The following ITGA8 variants were observed in gnomAD, a reference collection of about 807,000 sequenced individuals.
ITGA8 encodes the protein integrin alpha-8.
In ITGA8, 91 loss-of-function variants were observed where a neutral mutation model predicts 142.3. That is an observed-to-expected ratio of 0.64 (90% CI 0.54 to 0.76). The LOEUF (loss-of-function observed/expected upper bound fraction) is 0.76, where lower values mean the gene tolerates loss of function less well. Ranked by LOEUF, ITGA8 falls within the 30% of genes least tolerant of loss-of-function variation. ITGA8 has a pLI of 0.00. For missense variants in ITGA8, 1,406 were observed against 1,327.7 expected (o/e 1.06, Z -0.92); for synonymous variants, 505 against 485.2 (o/e 1.04, Z -0.54).
At chr10:15,666,091 C>G (rs1834386574) in intron 8 of ITGA8, among the ~76,000 whole-genome samples, 3 of 152,210 alleles carry the variant, frequency 2.0e-5, no homozygotes, top group South Asian at 4.1e-4. Context: ...GGCATTGAAT[C>G]TATAAATTAC....
At position 15,588,124 on chromosome 10, in the gene ITGA8, T is replaced by C. The variant is rs1832863300; in HGVS notation, c.2292-1460A>G. Among the ~76,000 whole-genome samples, 3 of 152,120 alleles carry C rather than the reference T, an allele frequency of 2.0e-5. No homozygotes were observed. The South Asian group carries it at 6.2e-4, about 32-fold the overall frequency. On this transcript the variant is annotated intron_variant, in intron 22 of 29. Coordinates refer to ENST00000378076, the MANE Select transcript of ITGA8 (RefSeq NM_003638.3). Reference sequence around the variant, plus strand: ...CGATGGACAAGCTCTAGCACCAAGATGATGGTAATGCGGTAGGTTGTGACT... The same window carrying C: ...CGATGGACAAGCTCTAGCACCAAGACGATGGTAATGCGGTAGGTTGTGACT...
intron 13 of ITGA8, among the ~76,000 whole-genome samples, chr10:15,640,602 T>G (rs956761499): frequency 6.6e-5 from 10 of 152,316 alleles, no homozygotes; most frequent in African/African-American, 2.4e-4. Context: ...AAGAGGGCTT[T>G]TGTTACTTCC....
chr10:15,571,621 C>A (rs992941368), intron 25 of ITGA8, among the ~76,000 whole-genome samples: 3 of 152,196 alleles, frequency 2.0e-5, no homozygotes, highest in African/African-American at 7.2e-5. Context: ...TGCAGAGAGG[C>A]AGAATCTCAG....
intron 22 of ITGA8, among the ~76,000 whole-genome samples, chr10:15,589,037 C>T (rs958318151): frequency 6.6e-6 from 1 of 152,156 alleles, no homozygotes; most frequent in Non-Finnish European, 1.5e-5. Context: ...AGGAAAGCTC[C>T]CTCACTAATA....
intron 13 of ITGA8, among the ~76,000 whole-genome samples, chr10:15,623,988 A>T: frequency 6.6e-6 from 1 of 152,140 alleles, no homozygotes; most frequent in East Asian, 1.9e-4. Flanking sequence ...TTTGAGATTC[A>T]TCCACAATGT....
chr10:15,621,169 C>CTT lies in ITGA8; in HGVS notation c.1400-4612_1400-4611dup, dbSNP rs11417286. ...CTCTATACATAGACACTTAAGCTGG[C>CTT]TTTTTTTTTTTTTCCTGGAGGAAAT... On this transcript the variant is annotated intron_variant, in intron 13 of 29. Coordinates refer to ENST00000378076, the MANE Select transcript of ITGA8 (RefSeq NM_003638.3). 4.3e-3 allele frequency among the ~76,000 whole-genome samples: 612 copies of CTT among 142,760 alleles called. 5 individuals are homozygous for CTT. Among genetic ancestry groups the CTT allele is most frequent in the African/African-American group, 0.014 (544 of 39,270 alleles). The allele number at this position is 142,760 out of a possible 152,430, so 93.7% of individuals were successfully genotyped here. A position where few individuals can be genotyped will look rare whatever the true frequency, so the allele number is the denominator to read the frequency against.
chr10:15,714,848 G>C (rs1263249811), intron 2 of ITGA8, among the ~76,000 whole-genome samples: 1 of 152,078 alleles, frequency 6.6e-6, no homozygotes, highest in Non-Finnish European at 1.5e-5. Context: ...GGTTACCAGA[G>C]CAGAATACCC....
intron 13 of ITGA8, among the ~76,000 whole-genome samples, chr10:15,625,002 G>T (rs1271683095): frequency 6.6e-6 from 1 of 151,840 alleles, no homozygotes; most frequent in East Asian, 1.9e-4. Context: ...AAAAATAGAA[G>T]TTGCCTGTCT....
intron 2 of ITGA8, among the ~76,000 whole-genome samples, chr10:15,702,584 C>G (rs557820286): frequency 2.2e-4 from 34 of 152,258 alleles, no homozygotes; most frequent in African/African-American, 7.9e-4. Context: ...AGCCACCGCG[C>G]GTGGCCCACG....
intron 2 of ITGA8, among the ~76,000 whole-genome samples, chr10:15,708,538 A>G (rs1159313671): frequency 6.6e-6 from 1 of 152,172 alleles, no homozygotes; most frequent in Admixed American, 6.5e-5. Flanking sequence ...GTAGCCCCCA[A>G]TAACTGTATA....
chr10:15,617,398 T>TG (rs1319093750), intron 13 of ITGA8, among the ~76,000 whole-genome samples: 5 of 70,116 alleles, frequency 7.1e-5, no homozygotes, highest in African/African-American at 1.9e-4. Flanking sequence ...TCAAACTGTC[T>TG]GTTTTTTTTT....
intron 22 of ITGA8, among the ~76,000 whole-genome samples, chr10:15,590,346 T>C (rs550162130): frequency 2.0e-5 from 3 of 152,354 alleles, no homozygotes; most frequent in Admixed American, 6.5e-5. Context: ...GGAAGCCATC[T>C]AGAACACTAC....
At chr10:15,544,019 G>T (rs911990454) in intron 27 of ITGA8, among the ~76,000 whole-genome samples, 10 of 152,206 alleles carry the variant, frequency 6.6e-5, no homozygotes, top group African/African-American at 1.7e-4. Flanking sequence ...GAGGGGCCAG[G>T]CCTGGTGGTT....
intron 13 of ITGA8, among the ~76,000 whole-genome samples, chr10:15,626,874 G>T (rs1441514282): frequency 6.6e-6 from 1 of 152,186 alleles, no homozygotes; most frequent in Non-Finnish European, 1.5e-5. Flanking sequence ...GCAGCCTAGA[G>T]AACTGGTAGG....
At chr10:15,592,149 G>T in intron 22 of ITGA8, 76 bp downstream of exon 22, 1 of 1,088,176 alleles carries the variant, frequency 9.2e-7, no homozygotes, top group South Asian at 1.4e-5. Flanking sequence ...CAAGGGCCTT[G>T]ACAGATGACA....
At chr10:15,682,723 T>A (rs1186688799) in intron 4 of ITGA8, among the ~76,000 whole-genome samples, 1 of 151,992 alleles carries the variant, frequency 6.6e-6, no homozygotes, top group African/African-American at 2.4e-5. Flanking sequence ...TGGTGGCACA[T>A]GCCTGTGGCC....
intron 20 of ITGA8, among the ~76,000 whole-genome samples, chr10:15,599,548 C>T (rs1254026041): frequency 3.9e-5 from 6 of 152,040 alleles, no homozygotes; most frequent in African/African-American, 1.4e-4. Context: ...AGGACCTGCA[C>T]ATAGATCCAA....
At chr10:15,537,552 T>C (rs536253106) in intron 27 of ITGA8, among the ~76,000 whole-genome samples, 1 of 152,316 alleles carries the variant, frequency 6.6e-6, no homozygotes, top group African/African-American at 2.4e-5. Context: ...CCGGGTCTTC[T>C]TTAACAGGGA....
intron 2 of ITGA8, among the ~76,000 whole-genome samples, chr10:15,717,864 C>T (rs1371072097): frequency 6.6e-6 from 1 of 152,122 alleles, no homozygotes; most frequent in African/African-American, 2.4e-5. Context: ...TCCATATACG[C>T]ACTAATCAAA....
Sources: gnomAD v4.1 joint callset for allele counts (sites outside exome capture counted in the v4.1 genomes callset) on GRCh38, gnomAD v4.1.1 for gene constraint, MANE v1.5 for transcripts, NCBI Gene and HGNC (gene_info 2026-07-23, HGNC 2026-07-21) for gene names.